Variants in SLC4A3 observed in about 807,000 individuals in gnomAD.
SLC4A3 encodes anion exchange protein 3.
SLC4A3 carries 47 observed loss-of-function variants against 114.2 expected under a neutral mutation model. That is an observed-to-expected ratio of 0.41 (90% confidence interval 0.33 to 0.52). The LOEUF is 0.52. Among genes scored for constraint, SLC4A3 ranks in the 20% least tolerant of loss-of-function variants. SLC4A3 has a pLI of 0.21. For synonymous variants in SLC4A3, 693 were observed against 710.3 expected (o/e 0.98, Z 0.39); for missense variants, 1,312 against 1,668.3 (o/e 0.79, Z 3.72).
intron 11 of SLC4A3, 65 bp from the exon 12 acceptor site, chr2:219,634,355 C>G (rs1231909889): frequency 3.3e-6 from 5 of 1,528,506 alleles, no homozygotes; most frequent in Non-Finnish European, 4.5e-6. Flanking sequence ...CCCTAGATAG[C>G]TGCCCCAGGG....
rs368684516 is a variant in SLC4A3 at position 219,634,969 on chromosome 2, G to A, written c.1747-302G>A. Reference sequence around the variant, plus strand: ...ATTTATCAGCCTGTAAGGTGTAGCTGATCCAATTGGAATGGCTCTGGAAGC... The same window carrying A: ...ATTTATCAGCCTGTAAGGTGTAGCTAATCCAATTGGAATGGCTCTGGAAGC... On this transcript the variant is annotated intron_variant, in intron 12 of 22. Coordinates refer to ENST00000358055, the MANE Select transcript of SLC4A3 (RefSeq NM_005070.4). Among the ~76,000 whole-genome samples the A allele has an allele frequency of 1.5e-4, 23 of 152,294 alleles. No individual in the cohort carries two copies. The East Asian group carries it at 3.9e-3, about 26-fold the overall frequency.
chr2:219,641,387 C>G lies in SLC4A3; in HGVS notation c.3622-264C>G, dbSNP rs1488053089. Among the ~76,000 whole-genome samples, 1 of 152,166 alleles carries G rather than the reference C, an allele frequency of 6.6e-6. No individual in the cohort carries two copies. Among genetic ancestry groups the G allele is most frequent in the Non-Finnish European group, 1.5e-5 (1 of 68,038 alleles). On this transcript the variant is annotated intron_variant, in intron 22 of 22. Transcript: ENST00000358055. The surrounding 1 kb of genome is among the most constrained non-coding windows in gnomAD (Gnocchi z 4.0). The stretch of plus-strand genomic sequence containing the variant: ...TACTCAAACATGGTGTACAAAGGTA[C>G]CATAGCAACTAGAAGTGGCCTCAGG...
rs144871018 is a variant in SLC4A3, at chr2:219,639,781, C to G, written c.3277+46C>G. The stretch of plus-strand genomic sequence containing the variant: ...TGCACACCCCCTTCCTTGGGCCCCA[C>G]GGTCTTACATCTTCACTATCCCAGG... On this transcript the variant is annotated intron_variant, in intron 20 of 22. Coordinates refer to ENST00000358055, the MANE Select transcript of SLC4A3 (RefSeq NM_005070.4). This position sits in a 1 kb window ranked among gnomAD's most constrained non-coding sequence, Gnocchi z 5.9. The G allele has an allele frequency of 6.3e-7, 1 of 1,588,518 alleles. No individual in the cohort carries two copies. Among genetic ancestry groups the G allele is most frequent in the South Asian group, 1.1e-5 (1 of 90,088 alleles).
In SLC4A3 at chr2:219,628,851, C is replaced by G. The variant is rs894487160; in HGVS notation, c.217+281C>G. On this transcript the variant is annotated intron_variant, in intron 3 of 22. Transcript: ENST00000358055. This position sits in a 1 kb window ranked among gnomAD's most constrained non-coding sequence, Gnocchi z 4.8. Reference sequence around the variant, plus strand: ...TCCCCTTCCCCTTCGTCCCCACTCACTCCCTCCTTGTCCCACCTCGGCTAG... The same window carrying G: ...TCCCCTTCCCCTTCGTCCCCACTCAGTCCCTCCTTGTCCCACCTCGGCTAG... The G allele has an allele frequency of 8.2e-5, 48 of 582,364 alleles. No homozygotes were observed. Among genetic ancestry groups the G allele is most frequent in the South Asian group, 5.8e-4 (25 of 43,296 alleles). The allele number at this position is 582,364 out of a possible 1,614,324, so 36.1% of individuals were successfully genotyped here.
intron 9 of SLC4A3, 90 bp downstream of exon 9, chr2:219,633,099 T>G: frequency 6.6e-7 from 1 of 1,504,900 alleles, no homozygotes; most frequent in South Asian, 1.2e-5. Context: ...AGCCTCTGCT[T>G]GAATGCCACA....
chr2:219,627,829 C>T, intron 1 of SLC4A3, 71 bp from the exon 2 acceptor site: 2 of 573,492 alleles, frequency 3.5e-6, no homozygotes, highest in Admixed American at 3.5e-5. Flanking sequence ...GCGCTTGGGC[C>T]GGGAGCGTGC....
At position 219,636,491 on chromosome 2, in the gene SLC4A3, C is replaced by T. The variant is rs1559203314; in HGVS notation, c.2340+41C>T. 6.5e-7 allele frequency: 1 copy of T among 1,548,746 alleles called. No individual in the cohort carries two copies. The highest frequency in any genetic ancestry group is 8.7e-7 in the Non-Finnish European group (1 of 1,152,374). ...GCCCTGCTCCATCCATCCTGCCCCA[C>T]ACTCTTCCTTACCTACATCCTGCCC... is the stretch of plus-strand genomic sequence containing the variant. On this transcript the variant is annotated intron_variant, in intron 15 of 22. Transcript: ENST00000358055. This position sits in a 1 kb window ranked among gnomAD's most constrained non-coding sequence, Gnocchi z 5.5.
chr2:219,629,884 G>C (rs1288915847), intron 5 of SLC4A3, among the ~76,000 whole-genome samples, 189 bp downstream of exon 5: 2 of 2,294 alleles, frequency 8.7e-4, no homozygotes, highest in Non-Finnish European at 0.016. Context: ...AGAGAACAAG[G>C]GGGGGGGGAG....
chr2:219,631,175 C>T lies in SLC4A3; in HGVS notation c.812-793C>T, dbSNP rs1296510896. On this transcript the variant is annotated intron_variant, in intron 6 of 22. Transcript: ENST00000358055. This position sits in a 1 kb window ranked among gnomAD's most constrained non-coding sequence, Gnocchi z 6.3. ...ACAGAAGCCACCCCGTCCAGGCTCC[C>T]ACCTTGTAGGAGAGCCGAGGGGTCT... 5.0e-6 allele frequency: 6 copies of T among 1,190,188 alleles called. No individual in the cohort carries two copies. The highest frequency in any genetic ancestry group is 6.4e-6 in the Non-Finnish European group (6 of 932,842). The allele number at this position is 1,190,188 out of a possible 1,614,324, so 73.7% of individuals were successfully genotyped here. A position where few individuals can be genotyped will look rare whatever the true frequency, so the allele number is the denominator to read the frequency against.
intron 20 of SLC4A3, among the ~76,000 whole-genome samples, chr2:219,640,182 G>T (rs1699272309): frequency 1.3e-5 from 2 of 151,324 alleles, no homozygotes; most frequent in African/African-American, 4.9e-5. Context: ...ACCCACCTCG[G>T]CCTCCCAAAG....
chr2:219,634,511 G>C lies in SLC4A3; in HGVS notation c.1653G>C (p.Pro551=). 1.2e-6 allele frequency: 2 copies of C among 1,614,184 alleles called. No homozygotes were observed. The highest frequency in any genetic ancestry group is 1.1e-5 in the South Asian group (1 of 91,082). ...AGTCTGTGCTTGAGGTCCCTGTCCC[G>C]GTCCGCTTCCTCTTCGTGATGCTGG... is the stretch of plus-strand genomic sequence containing the variant. ...LLESVLEVPV[P]VRFLFVMLGP... The change falls in exon 12 of 23, where the codon CCG becomes CCC. Residue 551 remains proline, a synonymous_variant. Transcript: ENST00000358055.
At position 219,637,512 on chromosome 2, in the gene SLC4A3, G is replaced by A. The variant is rs560857722; in HGVS notation, c.2536-69G>A. 6 of 833,854 alleles carry A rather than the reference G, an allele frequency of 7.2e-6. No individual in the cohort carries two copies. Among genetic ancestry groups the A allele is most frequent in the South Asian group, 4.9e-5 (3 of 61,444 alleles). 51.7% of individuals were successfully genotyped at this position (833,854 alleles called of 1,614,324 possible). A position where few individuals can be genotyped will look rare whatever the true frequency, so the allele number is the denominator to read the frequency against. On this transcript the variant is annotated intron_variant, in intron 16 of 22. Coordinates refer to ENST00000358055, the MANE Select transcript of SLC4A3 (RefSeq NM_005070.4). This position sits in a 1 kb window ranked among gnomAD's most constrained non-coding sequence, Gnocchi z 4.6. ...AGGGGCCACCCTCTCTCTCACAGGTGTACTGATGACGATGAAGTCAGGTCA... is the reference window on the plus strand; with the variant it reads ...AGGGGCCACCCTCTCTCTCACAGGTATACTGATGACGATGAAGTCAGGTCA...
In SLC4A3 at chr2:219,635,257, C is replaced by G. The variant is rs776957401; in HGVS notation, c.1747-14C>G. 1 of 1,612,370 alleles carries G rather than the reference C, an allele frequency of 6.2e-7. No individual in the cohort carries two copies. The highest frequency in any genetic ancestry group is 1.3e-5 in the African/African-American group (1 of 75,006). On this transcript the variant is annotated splice_polypyrimidine_tract_variant and intron_variant, in intron 12 of 22. Transcript: ENST00000358055. ...GGCTGTCCCTGAGGGTCCTGGCCCTCTCATTGCCCCCAGCTGTTTCATGAG... is the reference window on the plus strand; with the variant it reads ...GGCTGTCCCTGAGGGTCCTGGCCCTGTCATTGCCCCCAGCTGTTTCATGAG...
At position 219,637,682 on chromosome 2, in the gene SLC4A3, C is replaced by G. The variant is rs1013645868; in HGVS notation, c.2637C>G (p.Pro879=). Residue 879 remains proline, a synonymous_variant, in exon 17 of 23, where the codon CCC becomes CCG. Coordinates refer to ENST00000358055, the MANE Select transcript of SLC4A3 (RefSeq NM_005070.4). This position sits in a 1 kb window ranked among gnomAD's most constrained non-coding sequence, Gnocchi z 4.6. ...GLEPNGSALP[P]TEGPPSPRNQ... ...AGCCAAATGGCAGTGCCCTGCCCCC[C>G]ACCGAGGGCCCCCCCAGCCCGAGGA... 21 of 1,610,576 alleles carry G rather than the reference C, an allele frequency of 1.3e-5. No homozygotes were observed. The African/African-American group carries it at 2.8e-4, about 22-fold the overall frequency.
intron 20 of SLC4A3, among the ~76,000 whole-genome samples, chr2:219,640,077 C>T (rs1026239823): frequency 6.6e-5 from 10 of 152,234 alleles, no homozygotes; most frequent in East Asian, 5.8e-4. Flanking sequence ...TACAGGCGCC[C>T]GCCACCACGC....
In SLC4A3 at chr2:219,633,346, G is replaced by A; in HGVS notation, c.1350G>A (p.Leu450=). The change falls in exon 10 of 23, where the codon CTG becomes CTA. Residue 450 remains leucine (L), a synonymous_variant. Coordinates refer to ENST00000358055, the MANE Select transcript of SLC4A3 (RefSeq NM_005070.4). ...CGAGCTCCAGCATGAACTCGGTTCT[G>A]GGGAATCATCACCCAACTCCCAGCC... is the stretch of plus-strand genomic sequence containing the variant. ...NPSSSSMNSV[L]GNHHPTPSHG... 2 of 1,607,692 alleles carry A rather than the reference G, an allele frequency of 1.2e-6. No homozygotes were observed. Among genetic ancestry groups the A allele is most frequent in the Non-Finnish European group, 1.7e-6 (2 of 1,175,876 alleles).
Position 219,629,433 on chromosome 2 carries a change from C to T in SLC4A3, c.495+12C>T, listed in dbSNP as rs964853445. 2 of 1,594,144 alleles carry T rather than the reference C, an allele frequency of 1.3e-6. No individual in the cohort carries two copies. The highest frequency in any genetic ancestry group is 8.6e-7 in the Non-Finnish European group (1 of 1,168,988). On this transcript the variant is annotated intron_variant, in intron 4 of 22. Transcript: ENST00000358055. ...CACAGAAGGCAAAGGTAGGGGCTTCCCTTTGGAGGGGTGGCAGGTCAGGGG... is the reference window on the plus strand; with the variant it reads ...CACAGAAGGCAAAGGTAGGGGCTTCTCTTTGGAGGGGTGGCAGGTCAGGGG...
chr2:219,630,125 G>A lies in SLC4A3; in HGVS notation c.612-28G>A, dbSNP rs1369171409. On this transcript the variant is annotated intron_variant, in intron 5 of 22. Coordinates refer to ENST00000358055, the MANE Select transcript of SLC4A3 (RefSeq NM_005070.4). The surrounding 1 kb of genome is among the most constrained non-coding windows in gnomAD (Gnocchi z 6.9). ...GGAACCACCGACCTGGCCCTGTCAA[G>A]TCCAAGGCTGCTGTGTTGCCTCCCC... is the stretch of plus-strand genomic sequence containing the variant. The A allele has an allele frequency of 1.2e-6, 2 of 1,611,866 alleles. No homozygotes were observed. Among genetic ancestry groups the A allele is most frequent in the South Asian group, 2.2e-5 (2 of 90,788 alleles).
In SLC4A3 at chr2:219,641,960, C is replaced by T. The variant is rs1039046097; in HGVS notation, c.*232C>T. On this transcript the variant is annotated 3_prime_UTR_variant, in exon 23 of 23. Coordinates refer to ENST00000358055, the MANE Select transcript of SLC4A3 (RefSeq NM_005070.4). The surrounding 1 kb of genome is among the most constrained non-coding windows in gnomAD (Gnocchi z 4.0). Reference sequence around the variant, plus strand: ...GCTTTGAGCTCATTATAACCACACTCCTTGTCTCGTGTCTGCCTCACTTTC... The same window carrying T: ...GCTTTGAGCTCATTATAACCACACTTCTTGTCTCGTGTCTGCCTCACTTTC... The T allele has an allele frequency of 2.0e-5, 9 of 453,672 alleles. No homozygotes were observed. Among genetic ancestry groups the T allele is most frequent in the African/African-American group, 1.6e-4 (8 of 50,294 alleles). The allele number at this position is 453,672 out of a possible 1,614,324, so 28.1% of individuals were successfully genotyped here. A position where few individuals can be genotyped will look rare whatever the true frequency, so the allele number is the denominator to read the frequency against.
Sources: gnomAD v4.1 joint callset for allele counts (sites outside exome capture counted in the v4.1 genomes callset) on GRCh38, gnomAD v4.1.1 for gene constraint, Gnocchi (gnomAD v3.1) non-coding constraint, MANE v1.5 for transcripts, NCBI Gene and HGNC (gene_info 2026-07-23, HGNC 2026-07-21) for gene names.